Variants in CCDC192 observed in about 807,000 individuals in gnomAD.
CCDC192 encodes coiled-coil domain containing 192.
chr5:127,908,801 T>A (rs1753267267), intron 6 of CCDC192, among the ~76,000 whole-genome samples: 1 of 152,188 alleles, frequency 6.6e-6, no homozygotes, highest in Non-Finnish European at 1.5e-5. Context: ...GAATAACTGT[T>A]CAACTTTGGC....
chr5:127,733,505 C>T (rs2569152), intron 2 of CCDC192, among the ~76,000 whole-genome samples: 118,071 of 152,036 alleles, frequency 0.78, 45,966 homozygotes, highest in East Asian at 0.89. Flanking sequence ...TCAAGGACCT[C>T]GCATCAGTCA....
At chr5:127,743,450 T>TA (rs1753542689) in intron 2 of CCDC192, among the ~76,000 whole-genome samples, 1 of 152,166 alleles carries the variant, frequency 6.6e-6, no homozygotes, top group East Asian at 1.9e-4. Flanking sequence ...CATTTAAAGA[T>TA]GAAAATGTTG....
intron 6 of CCDC192, among the ~76,000 whole-genome samples, chr5:127,906,700 CA>C (rs1391419757): frequency 6.6e-6 from 1 of 152,122 alleles, no homozygotes; most frequent in African/African-American, 2.4e-5. Flanking sequence ...GCAGGAGGAT[CA>C]CCTGAGCTCG....
At chr5:127,711,361 A>C (rs1751322975) in intron 2 of CCDC192, among the ~76,000 whole-genome samples, 1 of 152,166 alleles carries the variant, frequency 6.6e-6, no homozygotes, top group South Asian at 2.1e-4. Flanking sequence ...AAATATATGA[A>C]AGCACTTTTT....
chr5:127,925,253 TATCAGAAGATTTCCTAAACTAAAAAATC>T, intron 6 of CCDC192, among the ~76,000 whole-genome samples: 1 of 152,374 alleles, frequency 6.6e-6, no homozygotes, highest in African/African-American at 2.4e-5. Context: ...TATAATAGAA[TATCAGAAGATTTCCTAAACTAAAAAATC>T]TTGTTTGAGT....
chr5:127,842,139 C>T (rs926699770), intron 5 of CCDC192, among the ~76,000 whole-genome samples: 1 of 152,232 alleles, frequency 6.6e-6, no homozygotes, highest in Admixed American at 6.5e-5. Flanking sequence ...TGCAGTGCCC[C>T]AGGGCCAGCA....
At chr5:127,921,690 T>G (rs970986766) in intron 6 of CCDC192, among the ~76,000 whole-genome samples, 3 of 152,170 alleles carry the variant, frequency 2.0e-5, no homozygotes, top group African/African-American at 7.2e-5. Context: ...GGGGCTGATT[T>G]GTCCAAGGTT....
chr5:127,720,710 A>G (rs1751970773), intron 2 of CCDC192, among the ~76,000 whole-genome samples: 1 of 152,154 alleles, frequency 6.6e-6, no homozygotes, highest in Non-Finnish European at 1.5e-5. Context: ...GCCTTTCCAT[A>G]CATTCCTTGA....
chr5:127,753,821 T>C (rs1230615276), intron 2 of CCDC192, among the ~76,000 whole-genome samples: 2 of 152,122 alleles, frequency 1.3e-5, no homozygotes, highest in Admixed American at 1.3e-4. Flanking sequence ...TTTAATGACA[T>C]ATGCTAAGAA....
chr5:127,933,291 G>A (rs1390163732), intron 6 of CCDC192, among the ~76,000 whole-genome samples: 1 of 152,186 alleles, frequency 6.6e-6, no homozygotes, highest in Non-Finnish European at 1.5e-5. Flanking sequence ...CTTATATTTT[G>A]ATGGGACCTC....
intron 6 of CCDC192, among the ~76,000 whole-genome samples, chr5:127,923,526 C>T (rs528744014): frequency 7.2e-5 from 11 of 152,160 alleles, no homozygotes; most frequent in Admixed American, 6.5e-4. Context: ...TACAGGCGCC[C>T]GCCACCATGC....
At chr5:127,775,823 G>A (rs1755825490) in intron 3 of CCDC192, among the ~76,000 whole-genome samples, 1 of 152,084 alleles carries the variant, frequency 6.6e-6, no homozygotes, top group South Asian at 2.1e-4. Flanking sequence ...AAGATCTGAT[G>A]GTTTTATAAA....
intron 2 of CCDC192, among the ~76,000 whole-genome samples, chr5:127,742,773 A>T (rs1753494723): frequency 6.6e-6 from 1 of 152,206 alleles, no homozygotes; most frequent in Non-Finnish European, 1.5e-5. Flanking sequence ...GAATGATTAT[A>T]ATCTCAGAAT....
chr5:127,722,152 C>A (rs528407900), intron 2 of CCDC192, among the ~76,000 whole-genome samples: 21 of 152,170 alleles, frequency 1.4e-4, no homozygotes, highest in Non-Finnish European at 2.5e-4. Context: ...TGGATAAAGG[C>A]CATTTTAACT....
intron 3 of CCDC192, among the ~76,000 whole-genome samples, chr5:127,787,738 G>A (rs545574431): frequency 1.9e-4 from 29 of 152,102 alleles, no homozygotes; most frequent in African/African-American, 6.5e-4. Flanking sequence ...GTCATACTAC[G>A]TCTGTTATGT....
intron 2 of CCDC192, among the ~76,000 whole-genome samples, chr5:127,734,013 T>G (rs1752809243): frequency 6.6e-6 from 1 of 150,880 alleles, no homozygotes; most frequent in East Asian, 1.9e-4. Context: ...GCCATGCTGG[T>G]GCGCTGCACC....
At chr5:127,927,888 T>C (rs562660585) in intron 6 of CCDC192, among the ~76,000 whole-genome samples, 114 of 152,146 alleles carry the variant, frequency 7.5e-4, no homozygotes, top group African/African-American at 2.4e-3. Context: ...TATGACAAAT[T>C]ATAGTATAAC....
intron 2 of CCDC192, among the ~76,000 whole-genome samples, chr5:127,709,173 G>T (rs1271914530): frequency 2.6e-5 from 3 of 114,606 alleles, no homozygotes; most frequent in Admixed American, 9.6e-5. Context: ...GGGAGAGGGG[G>T]AGAGAGGGGG....
chr5:127,878,424 C>T (rs1185721691), intron 6 of CCDC192, among the ~76,000 whole-genome samples: 2 of 152,210 alleles, frequency 1.3e-5, no homozygotes, highest in Non-Finnish European at 2.9e-5. Context: ...CTACGAAAAG[C>T]ACAGAGCTGG....
Sources: gnomAD v4.1 joint callset for allele counts (sites outside exome capture counted in the v4.1 genomes callset) on GRCh38, gnomAD v4.1.1 for gene constraint, MANE v1.5 for transcripts, NCBI Gene and HGNC (gene_info 2026-07-23, HGNC 2026-07-21) for gene names.